C18orf63: variants seen among roughly 807,000 people sequenced by gnomAD.
C18orf63 encodes the protein uncharacterized protein C18orf63.
Under a neutral mutation model 75.3 loss-of-function variants are expected in C18orf63, and 50 were observed. The ratio of observed to expected loss-of-function variants is 0.66; its 90% CI spans 0.53 to 0.84. The LOEUF (loss-of-function observed/expected upper bound fraction) is 0.84, where lower values mean the gene tolerates loss of function less well. Ranked by LOEUF, C18orf63 falls within the 40% of genes least tolerant of loss-of-function variation. The pLI, the probability that C18orf63 is intolerant of heterozygous loss-of-function variation, is 0.00. For synonymous variants in C18orf63, 232 were observed against 267.6 expected, an observed-to-expected ratio of 0.87 and a Z score of 1.30; for missense variants, 732 against 800.2, an observed-to-expected ratio of 0.91 and a Z score of 1.03.
In C18orf63 at chr18:74,354,501, T is replaced by A; in HGVS notation, c.2046T>A (p.Ile682=). The part of the protein sequence containing the change: ...DKSKLKKSLI[I]HNA ...CAAAACTTAAGAAATCTCTCATCAT[T>A]CATAATGCTTAGAACATGGACCTGA... The change falls in exon 13 of 14, where the codon ATT becomes ATA. Residue 682 remains isoleucine (I), a synonymous_variant. Coordinates refer to ENST00000579455, the MANE Select transcript of C18orf63 (RefSeq NM_001174123.2). 1.0e-5 allele frequency: 15 copies of A among 1,452,050 alleles called. No homozygotes were observed. Among genetic ancestry groups the A allele is most frequent in the Non-Finnish European group, 1.4e-5 (15 of 1,072,926 alleles). 89.9% of individuals were successfully genotyped at this position (1,452,050 alleles called of 1,614,324 possible).
chr18:74,319,876 A>C (rs1243407950), intron 2 of C18orf63, among the ~76,000 whole-genome samples: 1 of 152,206 alleles, frequency 6.6e-6, no homozygotes, highest in Non-Finnish European at 1.5e-5. Context: ...TCACAGATGA[A>C]AGAGATTGGG....
At chr18:74,336,962 C>T (rs1043432858) in intron 7 of C18orf63, among the ~76,000 whole-genome samples, 1 of 152,020 alleles carries the variant, frequency 6.6e-6, no homozygotes, top group South Asian at 2.1e-4. Flanking sequence ...AATTCAGACT[C>T]TCTTTTTTTA....
rs1984732931 is a variant in C18orf63 at position 74,354,642 on chromosome 18, T to C, written c.*33+96T>C. On this transcript the variant is annotated intron_variant, in intron 13 of 13. Transcript: ENST00000579455. Reference sequence around the variant, plus strand: ...CAACCTCTTGGTAAAAAGCAGCTACTTTTAAATTCTTTGAAACCGTAAAAT... The same window carrying C: ...CAACCTCTTGGTAAAAAGCAGCTACCTTTAAATTCTTTGAAACCGTAAAAT... The C allele has an allele frequency of 1.3e-5, 8 of 602,450 alleles. No homozygotes were observed. The South Asian group carries it at 1.6e-4, about 12-fold the overall frequency. 37.3% of individuals were successfully genotyped at this position (602,450 alleles called of 1,614,324 possible).
chr18:74,349,278 T>G (rs903173553), intron 11 of C18orf63, among the ~76,000 whole-genome samples: 23 of 152,218 alleles, frequency 1.5e-4, no homozygotes, highest in Middle Eastern at 3.2e-3. Flanking sequence ...AAGGTAGAAA[T>G]GTTCTTCAAT....
Position 74,358,134 on chromosome 18 carries a change from C to T in C18orf63, c.*1687C>T, listed in dbSNP as rs2144449850. ...AGCAAAATAATGAAAACCATACATC[C>T]ACTGCTGAAGTGGTATTAACATCTT... On this transcript the variant is annotated 3_prime_UTR_variant, in exon 14 of 14. Coordinates refer to ENST00000579455, the MANE Select transcript of C18orf63 (RefSeq NM_001174123.2). The T allele has an allele frequency of 6.6e-6, 1 of 152,204 alleles. No individual in the cohort carries two copies. Among genetic ancestry groups the T allele is most frequent in the East Asian group, 1.9e-4 (1 of 5,178 alleles). 9.4% of individuals were successfully genotyped at this position (152,204 alleles called of 1,614,324 possible).
intron 1 of C18orf63, 53 bp from the exon 2 acceptor site, chr18:74,317,781 G>C: frequency 9.6e-7 from 1 of 1,043,634 alleles, no homozygotes; most frequent in East Asian, 2.8e-5. Context: ...CTTGGTATTG[G>C]AACTCTATTG....
At position 74,344,870 on chromosome 18, in the gene C18orf63, C is replaced by T. The variant is rs139387977; in HGVS notation, c.978+1168C>T. ...TCTTTGGAGGCTATTACTAGTAATA[C>T]TGTGATGAACATTCTTGTATATGTC... On this transcript the variant is annotated intron_variant, in intron 11 of 13. Transcript: ENST00000579455. Among the ~76,000 whole-genome samples, 822 of 152,108 alleles carry T rather than the reference C, an allele frequency of 5.4e-3. 6 individuals carry two copies. The highest frequency in any genetic ancestry group is 0.019 in the African/African-American group (787 of 41,498).
rs527290656 is a variant in C18orf63, at chr18:74,330,628, C to T, written c.425-238C>T. ...TCTCATTTTTTTTATTCTAACCTTGCCTATGACCTGCACCCCCCACACACA... is the reference window on the plus strand; with the variant it reads ...TCTCATTTTTTTTATTCTAACCTTGTCTATGACCTGCACCCCCCACACACA... On this transcript the variant is annotated intron_variant, in intron 6 of 13. Transcript: ENST00000579455. Among the ~76,000 whole-genome samples the T allele has an allele frequency of 2.6e-5, 4 of 152,058 alleles. No individual in the cohort carries two copies. In the East Asian group the frequency reaches 7.7e-4, roughly 29 times the overall value.
intron 7 of C18orf63, among the ~76,000 whole-genome samples, chr18:74,335,384 C>T (rs73970144): frequency 0.049 from 7,401 of 151,950 alleles, 577 homozygotes; most frequent in African/African-American, 0.17. Flanking sequence ...GATTTCAGCC[C>T]TTATCTTTAC....
chr18:74,350,729 C>A (rs974848649), intron 11 of C18orf63, among the ~76,000 whole-genome samples: 1 of 152,182 alleles, frequency 6.6e-6, no homozygotes, highest in Non-Finnish European at 1.5e-5. Flanking sequence ...CCTTGGTTAA[C>A]TTCTGTATTT....
At chr18:74,341,137 G>A (rs1437392143) in intron 8 of C18orf63, among the ~76,000 whole-genome samples, 3 of 151,446 alleles carry the variant, frequency 2.0e-5, no homozygotes, top group Non-Finnish European at 3.0e-5. Context: ...AGTGGTGGGC[G>A]CCTGTAGTCC....
Position 74,322,714 on chromosome 18 carries a change from C to A in C18orf63, c.230C>A (p.Ala77Glu). Residue 77 changes from alanine to glutamate, a missense_variant, in exon 4 of 14, where the codon GCA (alanine) becomes GAA (glutamate). Coordinates refer to ENST00000579455, the MANE Select transcript of C18orf63 (RefSeq NM_001174123.2). ...TTGTTACAGATACCATTTTATAAAGCAAGAAAACTTAATGCCTATGTTGAA... is the reference window on the plus strand; with the variant it reads ...TTGTTACAGATACCATTTTATAAAGAAAGAAAACTTAATGCCTATGTTGAA... ...WVVMAIPFYK[A>E]RKLNAYVEKY... The A allele has an allele frequency of 7.5e-7, 1 of 1,337,720 alleles. No individual in the cohort carries two copies. The highest frequency in any genetic ancestry group is 1.0e-6 in the Non-Finnish European group (1 of 985,462). The allele number at this position is 1,337,720 out of a possible 1,614,324, so 82.9% of individuals were successfully genotyped here. A position where few individuals can be genotyped will look rare whatever the true frequency, so the allele number is the denominator to read the frequency against.
At chr18:74,348,350 T>A (rs1984607459) in intron 11 of C18orf63, among the ~76,000 whole-genome samples, 2 of 148,496 alleles carry the variant, frequency 1.3e-5, no homozygotes, top group Non-Finnish European at 3.0e-5. Flanking sequence ...CCTGTGGTTA[T>A]ATCTAAGCTT....
chr18:74,348,375 TCAACTTGAAGCAAG>T, intron 11 of C18orf63, among the ~76,000 whole-genome samples: 1 of 85,684 alleles, frequency 1.2e-5, no homozygotes, highest in Non-Finnish European at 2.9e-5. Context: ...GAATTCTGAT[TCAACTTGAAGCAAG>T]CAAGAAATAC....
In C18orf63 at chr18:74,317,975, G is replaced by A. The variant is rs1185679887; in HGVS notation, c.110G>A (p.Arg37Lys). 1.3e-5 allele frequency: 19 copies of A among 1,518,672 alleles called. No individual in the cohort carries two copies. The highest frequency in any genetic ancestry group is 1.7e-5 in the Non-Finnish European group (19 of 1,137,684). 94.1% of individuals were successfully genotyped at this position (1,518,672 alleles called of 1,614,324 possible). A position where few individuals can be genotyped will look rare whatever the true frequency, so the allele number is the denominator to read the frequency against. Reference protein sequence around the residue: ...LSNKVADTEIRTIQMKMCRQL... With the variant: ...LSNKVADTEIKTIQMKMCRQL... ...AATAAGGTGGCAGATACTGAGATTA[G>A]GACTATACAAATGAAGATGTGCAGG... The change falls in exon 2 of 14, where the codon AGG (arginine) becomes AAG (lysine). Residue 37 changes from arginine (R) to lysine (K), a missense_variant. By Grantham distance (26) the Arg-to-Lys change is conservative. Transcript: ENST00000579455.
intron 6 of C18orf63, among the ~76,000 whole-genome samples, chr18:74,330,315 C>G (rs963271119): frequency 6.6e-6 from 1 of 152,120 alleles, no homozygotes; most frequent in Non-Finnish European, 1.5e-5. Flanking sequence ...CAGAATCCCC[C>G]TCATGCTTTT....
chr18:74,316,000 G>C lies in C18orf63; in HGVS notation c.-142G>C, dbSNP rs1415901772. ...AAGGAGGCAGAGCGGAAGCGAGGGA[G>C]ACTGCTGGAGGCCCTGCCGCCCACC... On this transcript the variant is annotated 5_prime_UTR_variant, in exon 1 of 14. Transcript: ENST00000579455. The C allele has an allele frequency of 6.6e-6, 1 of 152,440 alleles. No homozygotes were observed. Among genetic ancestry groups the C allele is most frequent in the African/African-American group, 2.4e-5 (1 of 41,458 alleles). 9.4% of individuals were successfully genotyped at this position (152,440 alleles called of 1,614,324 possible).
intron 9 of C18orf63, 31 bp downstream of exon 9, chr18:74,342,159 A>G (rs1288098874): frequency 2.1e-6 from 3 of 1,416,554 alleles, no homozygotes; most frequent in Non-Finnish European, 2.9e-6. Flanking sequence ...TTACATTAGA[A>G]GTTATTTGAT....
chr18:74,317,758 T>C (rs951817164), intron 1 of C18orf63, 76 bp from the exon 2 acceptor site: 3 of 808,910 alleles, frequency 3.7e-6, no homozygotes, highest in Non-Finnish European at 5.3e-6. Context: ...CAATATCAAA[T>C]ATTGTGTGCT....
Sources: gnomAD v4.1 joint callset for allele counts (sites outside exome capture counted in the v4.1 genomes callset) on GRCh38, gnomAD v4.1.1 for gene constraint, MANE v1.5 for transcripts, NCBI Gene and HGNC (gene_info 2026-07-23, HGNC 2026-07-21) for gene names.